Variants in NRG1 observed in about 807,000 individuals in gnomAD.
The protein encoded by NRG1 is pro-neuregulin-1, membrane-bound isoform.
In NRG1, 18 loss-of-function variants were observed where a neutral mutation model predicts 63.8. The ratio of observed to expected loss-of-function variants is 0.28; its 90% CI spans 0.19 to 0.42. The LOEUF (loss-of-function observed/expected upper bound fraction) is 0.42. Ranked by LOEUF, NRG1 falls within the 10% of genes least tolerant of loss-of-function variation. The probability of loss-of-function intolerance (pLI) is 1.00; values close to 1 mark genes in which losing one functional copy is unlikely to be tolerated. For synonymous variants in NRG1, 302 were observed against 301.3 expected, an observed-to-expected ratio of 1.00 and a Z score of -0.02; for missense variants, 762 against 814.7, an observed-to-expected ratio of 0.94 and a Z score of 0.79.
chr8:31,973,657 A>T (rs1807673239), intron 1 of NRG1, among the ~76,000 whole-genome samples: 1 of 152,188 alleles, frequency 6.6e-6, no homozygotes, highest in East Asian at 1.9e-4. Context: ...TTAGCATACA[A>T]TTACTTACAA....
At chr8:32,531,529 G>A (rs1421730533) in intron 1 of NRG1, among the ~76,000 whole-genome samples, 1 of 152,014 alleles carries the variant, frequency 6.6e-6, no homozygotes, top group Non-Finnish European at 1.5e-5. Flanking sequence ...AGTAATAAAA[G>A]AAAAATCTTA....
chr8:32,755,396 A>G (rs2129053366), intron 8 of NRG1, among the ~76,000 whole-genome samples: 1 of 152,276 alleles, frequency 6.6e-6, no homozygotes, highest in African/African-American at 2.4e-5. Flanking sequence ...AAGAAAAATA[A>G]TATGCTTTTA....
chr8:31,649,255 C>T (rs6987996), intron 1 of NRG1, among the ~76,000 whole-genome samples: 71,566 of 152,032 alleles, frequency 0.47, 17,715 homozygotes, highest in East Asian at 0.68. Flanking sequence ...TGCCCGGCCT[C>T]ATATGGTAGT....
At chr8:31,839,061 G>T (rs1238428586) in intron 1 of NRG1, among the ~76,000 whole-genome samples, 1 of 152,140 alleles carries the variant, frequency 6.6e-6, no homozygotes, top group Admixed American at 6.5e-5. Flanking sequence ...TTTTAATCAA[G>T]AATGGATTTG....
chr8:32,670,239 ATTTAGGGT>A (rs1805278863), intron 5 of NRG1, among the ~76,000 whole-genome samples: 1 of 152,164 alleles, frequency 6.6e-6, no homozygotes, highest in South Asian at 2.1e-4. Flanking sequence ...GTGCAGATGT[ATTTAGGGT>A]TTGAGGTGAA....
downstream of NRG1, among the ~76,000 whole-genome samples, chr8:32,771,276 ATTTTTTTTTTT>A (rs553989637): frequency 3.6e-4 from 33 of 92,764 alleles, no homozygotes; most frequent in Admixed American, 1.2e-4. Context: ...ATGCCCAGCG[ATTTTTTTTTTT>A]TTTTTTTTTT....
At chr8:32,608,090 T>G (rs1468577084) in intron 3 of NRG1, among the ~76,000 whole-genome samples, 1 of 118,280 alleles carries the variant, frequency 8.5e-6, no homozygotes, top group Non-Finnish European at 1.6e-5. Flanking sequence ...CAGGTTTTTT[T>G]TGTTTTTTTT....
intron 1 of NRG1, among the ~76,000 whole-genome samples, chr8:32,572,923 G>A (rs1383899952): frequency 2.6e-5 from 4 of 152,120 alleles, no homozygotes; most frequent in African/African-American, 7.2e-5. Context: ...ACAAATTTGC[G>A]ACATATTTAT....
chr8:32,345,878 C>T (rs1222381183), intron 1 of NRG1, among the ~76,000 whole-genome samples: 5 of 151,632 alleles, frequency 3.3e-5, no homozygotes, highest in South Asian at 2.1e-4. Context: ...CATGGTGGCA[C>T]GTGCCTGTAA....
intron 1 of NRG1, among the ~76,000 whole-genome samples, chr8:31,847,685 A>C (rs1336145607): frequency 6.6e-6 from 1 of 152,232 alleles, no homozygotes; most frequent in Admixed American, 6.5e-5. Flanking sequence ...CAGCTGCAAA[A>C]ATCTTATTCA....
chr8:31,734,552 C>CT (rs1814457434), intron 1 of NRG1, among the ~76,000 whole-genome samples: 1 of 151,844 alleles, frequency 6.6e-6, no homozygotes, highest in South Asian at 2.1e-4. Flanking sequence ...AAAGTGGAAG[C>CT]TTTTTTTTGT....
intron 5 of NRG1, among the ~76,000 whole-genome samples, chr8:32,711,962 T>C (rs1255528625): frequency 1.3e-5 from 2 of 152,170 alleles, no homozygotes; most frequent in African/African-American, 4.8e-5. Flanking sequence ...ACTTTTAACA[T>C]TTCACACCCA....
intron 1 of NRG1, among the ~76,000 whole-genome samples, chr8:31,857,484 G>T (rs1450585788): frequency 6.6e-6 from 1 of 152,210 alleles, no homozygotes; most frequent in Non-Finnish European, 1.5e-5. Flanking sequence ...CGCAGGGTAT[G>T]CGCACCCACT....
At chr8:32,382,036 A>G (rs950862499) in intron 1 of NRG1, among the ~76,000 whole-genome samples, 5 of 152,200 alleles carry the variant, frequency 3.3e-5, no homozygotes, top group African/African-American at 1.2e-4. Context: ...GATGATAACA[A>G]TGGTAATAAC....
At chr8:32,444,149 C>T (rs1250951796) in intron 1 of NRG1, among the ~76,000 whole-genome samples, 1 of 143,112 alleles carries the variant, frequency 7.0e-6, no homozygotes, top group East Asian at 2.4e-4. Context: ...GATAGGGTCT[C>T]ACTTTGTCAC....
At chr8:31,851,448 T>C (rs1477167804) in intron 1 of NRG1, among the ~76,000 whole-genome samples, 1 of 152,182 alleles carries the variant, frequency 6.6e-6, no homozygotes, top group Non-Finnish European at 1.5e-5. Context: ...TCATATTCTT[T>C]CTATTGTTTT....
chr8:32,436,489 G>C (rs1378561434), intron 1 of NRG1, among the ~76,000 whole-genome samples: 1 of 152,162 alleles, frequency 6.6e-6, no homozygotes, highest in Non-Finnish European at 1.5e-5. Flanking sequence ...TAGTTATCCA[G>C]TAACCTTTTG....
chr8:31,855,756 G>T (rs902117904), intron 1 of NRG1, among the ~76,000 whole-genome samples: 3 of 152,264 alleles, frequency 2.0e-5, no homozygotes, highest in South Asian at 2.1e-4. Flanking sequence ...GGTACCGGTT[G>T]TTCCTTTTCA....
intron 1 of NRG1, among the ~76,000 whole-genome samples, chr8:32,100,396 C>T (rs774810673): frequency 8.1e-4 from 124 of 152,232 alleles, no homozygotes; most frequent in Admixed American, 1.2e-3. Flanking sequence ...TAGTTATAAA[C>T]CTTGTTACTG....
Sources: gnomAD v4.1 joint callset for allele counts (sites outside exome capture counted in the v4.1 genomes callset) on GRCh38, gnomAD v4.1.1 for gene constraint, MANE v1.5 for transcripts, NCBI Gene and HGNC (gene_info 2026-07-23, HGNC 2026-07-21) for gene names.